The following GARIN2 variants were observed in gnomAD, a reference collection of about 807,000 sequenced individuals.
The protein encoded by GARIN2 is Golgi-associated RAB2 interactor protein 2.
At chr14:67,198,560 A>T in the GARIN2 span, among the ~76,000 whole-genome samples, 1,047 of 152,346 alleles carry the variant, frequency 6.9e-3, 18 homozygotes, top group African/African-American at 0.024. Flanking sequence ...CATAATTGCC[A>T]TTCCATCATA....
chr14:67,200,032 G>A, the GARIN2 span: 685 of 930,288 alleles, frequency 7.4e-4, 4 homozygotes, highest in African/African-American at 0.011. Context: ...TCCCCATTCT[G>A]GACACCCAGG....
chr14:67,199,749 C>A, the GARIN2 span: 1 of 1,554,658 alleles, frequency 6.4e-7, no homozygotes. Flanking sequence ...TCATTGGGGT[C>A]TGGGCTTCCT....
chr14:67,195,508 C>T, the GARIN2 span, among the ~76,000 whole-genome samples: 32 of 152,172 alleles, frequency 2.1e-4, no homozygotes, highest in African/African-American at 7.5e-4. Flanking sequence ...GTAGACACAC[C>T]CTCCAGTATG....
chr14:67,190,341 A>T, the GARIN2 span, among the ~76,000 whole-genome samples: 1 of 151,160 alleles, frequency 6.6e-6, no homozygotes, highest in Non-Finnish European at 1.5e-5. Context: ...CTCGTGCCTC[A>T]GCCTCCCAAG....
the GARIN2 span, among the ~76,000 whole-genome samples, chr14:67,216,142 A>G: frequency 6.6e-6 from 1 of 152,170 alleles, no homozygotes; most frequent in African/African-American, 2.4e-5. Context: ...GTTACAGTCA[A>G]TGAACACATA....
chr14:67,205,333 G>A, the GARIN2 span, among the ~76,000 whole-genome samples: 3 of 152,128 alleles, frequency 2.0e-5, no homozygotes, highest in African/African-American at 7.2e-5. Flanking sequence ...GAAATGGAAA[G>A]AATTTTGGAA....
At chr14:67,217,645 A>G in the GARIN2 span, among the ~76,000 whole-genome samples, 2 of 152,162 alleles carry the variant, frequency 1.3e-5, no homozygotes, top group African/African-American at 4.8e-5. Context: ...ATTTCTATAT[A>G]TAAGTCCCTT....
the GARIN2 span, chr14:67,200,347 C>T: frequency 1.6e-6 from 1 of 642,192 alleles, no homozygotes; most frequent in Non-Finnish European, 2.8e-6. Context: ...TTCCTTCCTC[C>T]TATTACATCT....
the GARIN2 span, chr14:67,201,445 G>A: frequency 2.2e-6 from 1 of 455,946 alleles, no homozygotes; most frequent in South Asian, 1.5e-5. Flanking sequence ...CTCCCCTCAG[G>A]GCCTCACATC....
the GARIN2 span, among the ~76,000 whole-genome samples, chr14:67,205,771 A>C: frequency 2.6e-5 from 4 of 152,354 alleles, no homozygotes; most frequent in Non-Finnish European, 5.9e-5. Flanking sequence ...TAGTGACCGA[A>C]GTCTCCTGTG....
the GARIN2 span, among the ~76,000 whole-genome samples, chr14:67,193,806 A>G: frequency 1.3e-5 from 2 of 149,074 alleles, no homozygotes; most frequent in Admixed American, 1.3e-4. Flanking sequence ...TTAGCTGGGT[A>G]TGGTAGCGTG....
the GARIN2 span, chr14:67,199,961 T>A: frequency 7.9e-7 from 1 of 1,273,232 alleles, no homozygotes; most frequent in Non-Finnish European, 1.1e-6. Flanking sequence ...CCAGGAGGAG[T>A]GCCCCATCCA....
chr14:67,202,548 C>G, the GARIN2 span, among the ~76,000 whole-genome samples: 8 of 152,148 alleles, frequency 5.3e-5, no homozygotes, highest in African/African-American at 1.9e-4. Flanking sequence ...CTACATTTTA[C>G]TGTTGTCTAT....
the GARIN2 span, chr14:67,208,281 A>T: frequency 6.2e-7 from 1 of 1,614,046 alleles, no homozygotes. Flanking sequence ...TCCTCAAAAC[A>T]TGTCACCATC....
At chr14:67,224,742 C>A in the GARIN2 span, 2 of 263,594 alleles carry the variant, frequency 7.6e-6, no homozygotes, top group South Asian at 3.6e-5. Context: ...AGAAAAATCA[C>A]ATAAAATATT....
the GARIN2 span, among the ~76,000 whole-genome samples, chr14:67,226,153 T>A: frequency 3.3e-5 from 5 of 152,270 alleles, no homozygotes; most frequent in East Asian, 9.6e-4. Flanking sequence ...AAAGCCAGCT[T>A]AGCACTTGAG....
At chr14:67,199,221 C>T in the GARIN2 span, 1 of 1,606,314 alleles carries the variant, frequency 6.2e-7, no homozygotes, top group Non-Finnish European at 8.5e-7. Context: ...TGGCCAGCAC[C>T]AAGGCTATGA....
At chr14:67,190,584 C>T in the GARIN2 span, among the ~76,000 whole-genome samples, 1 of 152,132 alleles carries the variant, frequency 6.6e-6, no homozygotes, top group Non-Finnish European at 1.5e-5. Context: ...AGAAAAAATT[C>T]TCAAAGACTG....
At chr14:67,199,369 C>T in the GARIN2 span, 1 of 1,614,060 alleles carries the variant, frequency 6.2e-7, no homozygotes. Context: ...CCAACATTTT[C>T]AATGGGAACC....
Sources: allele counts gnomAD v4.1 joint callset (sites outside exome capture counted in the v4.1 genomes callset), GRCh38; gene constraint gnomAD v4.1.1; transcripts MANE v1.5; gene names NCBI Gene and HGNC (gene_info 2026-07-23, HGNC 2026-07-21).